The following ADGB variants were observed in gnomAD, a reference collection of about 807,000 sequenced individuals.
ADGB encodes the protein androglobin.
A neutral mutation model predicts 210.5 loss-of-function variants in ADGB; 172 were observed. The ratio of observed to expected loss-of-function variants is 0.82; its 90% confidence interval spans 0.72 to 0.93. ADGB has a LOEUF of 0.93. Among genes scored for constraint, ADGB ranks in the 40% least tolerant of loss-of-function variants. The probability of loss-of-function intolerance (pLI) is 0.00; values close to 1 mark genes in which losing one functional copy is unlikely to be tolerated. For synonymous variants in ADGB, 658 were observed against 662.7 expected, an observed-to-expected ratio of 0.99 and a Z score of 0.11; for missense variants, 2,025 against 1,964.8, an observed-to-expected ratio of 1.03 and a Z score of -0.58.
intron 2 of ADGB, among the ~76,000 whole-genome samples, chr6:146,643,113 A>C (rs192428885): frequency 6.6e-6 from 1 of 151,910 alleles, no homozygotes; most frequent in Non-Finnish European, 1.5e-5. Flanking sequence ...GAAGTGTAGC[A>C]ACAGCTCCTG....
chr6:146,804,280 C>T (rs1778178272), intron 35 of ADGB, among the ~76,000 whole-genome samples: 2 of 152,068 alleles, frequency 1.3e-5, no homozygotes, highest in African/African-American at 4.8e-5. Flanking sequence ...CACACTCCTA[C>T]ACATCCCCAA....
At chr6:146,782,299 C>G (rs929904439) in intron 30 of ADGB, 107 bp downstream of exon 30, 13 of 1,121,566 alleles carry the variant, frequency 1.2e-5, no homozygotes, top group African/African-American at 1.6e-5. Flanking sequence ...TTCTTTCTCC[C>G]TGATTCCAGA....
chr6:146,636,296 G>A, intron 2 of ADGB, among the ~76,000 whole-genome samples: 1 of 151,938 alleles, frequency 6.6e-6, no homozygotes, highest in East Asian at 1.9e-4. Flanking sequence ...TTTACATAAA[G>A]CATTCTGAAA....
intron 29 of ADGB, among the ~76,000 whole-genome samples, chr6:146,775,685 T>G (rs115243767): frequency 0.016 from 2,460 of 152,260 alleles, 48 homozygotes; most frequent in African/African-American, 0.056. Flanking sequence ...TGAATTTTAT[T>G]AGCAGTATTA....
intron 29 of ADGB, among the ~76,000 whole-genome samples, chr6:146,780,111 T>C (rs1228203113): frequency 6.6e-6 from 1 of 151,742 alleles, no homozygotes; most frequent in Non-Finnish European, 1.5e-5. Flanking sequence ...GGGACAGAAA[T>C]ACGTGAACAA....
intron 4 of ADGB, among the ~76,000 whole-genome samples, chr6:146,656,190 A>C (rs1562266261): frequency 6.6e-6 from 1 of 152,174 alleles, no homozygotes; most frequent in East Asian, 1.9e-4. Context: ...AAGTCCATCC[A>C]CCCACTGGGC....
At chr6:146,778,286 C>T (rs1384126982) in intron 29 of ADGB, among the ~76,000 whole-genome samples, 1 of 152,106 alleles carries the variant, frequency 6.6e-6, no homozygotes, top group Non-Finnish European at 1.5e-5. Flanking sequence ...GGTACTGCAA[C>T]ACCTGGAGGC....
chr6:146,717,103 C>A (rs1301583662), intron 15 of ADGB, 34 bp downstream of exon 15: 6 of 1,507,376 alleles, frequency 4.0e-6, no homozygotes, highest in Non-Finnish European at 5.4e-6. Context: ...CTGACTATGT[C>A]GTAGTGGTTA....
intron 33 of ADGB, among the ~76,000 whole-genome samples, chr6:146,800,137 T>TA (rs1778105762): frequency 1.2e-5 from 1 of 82,404 alleles, no homozygotes; most frequent in African/African-American, 4.5e-5. Context: ...TAAACTTTTT[T>TA]CTTTTTTTTT....
intron 1 of ADGB, among the ~76,000 whole-genome samples, chr6:146,607,171 A>G (rs1583556577): frequency 6.6e-6 from 1 of 151,948 alleles, no homozygotes. Context: ...TGTGAATGGG[A>G]TTGCATTTTT....
chr6:146,799,745 G>A (rs1217798798), intron 33 of ADGB, among the ~76,000 whole-genome samples: 2 of 152,036 alleles, frequency 1.3e-5, no homozygotes, highest in East Asian at 1.9e-4. Context: ...GGGGATATGG[G>A]ATATCTCTGT....
intron 2 of ADGB, among the ~76,000 whole-genome samples, chr6:146,644,050 T>C (rs1775566973): frequency 6.6e-6 from 1 of 151,710 alleles, no homozygotes; most frequent in South Asian, 2.1e-4. Context: ...GGATGGAGTA[T>C]GGGATGGGGA....
intron 29 of ADGB, among the ~76,000 whole-genome samples, chr6:146,773,339 T>C (rs537220257): frequency 6.6e-6 from 1 of 152,250 alleles, no homozygotes; most frequent in Non-Finnish European, 1.5e-5. Context: ...TTGAAATTAT[T>C]AGTAATTTTA....
intron 35 of ADGB, among the ~76,000 whole-genome samples, chr6:146,810,829 T>C (rs1282058010): frequency 1.3e-5 from 2 of 152,142 alleles, no homozygotes; most frequent in Admixed American, 6.5e-5. Context: ...TTGGTCAGAG[T>C]ACAAACATGT....
chr6:146,799,716 ATG>A (rs994881052), intron 33 of ADGB, among the ~76,000 whole-genome samples: 2 of 151,890 alleles, frequency 1.3e-5, no homozygotes, highest in South Asian at 2.1e-4. Context: ...GGAGGCTACA[ATG>A]TGTGTGTAGG....
Position 146,672,419 on chromosome 6 carries a change from T to C in ADGB, c.1039T>C (p.Ser347Pro). The C allele has an allele frequency of 1.3e-6, 2 of 1,551,038 alleles. No individual in the cohort carries two copies. The highest frequency in any genetic ancestry group is 2.4e-5 in the South Asian group (2 of 83,920). The change falls in exon 8 of 36, where the codon TCT becomes CCT. Residue 347 changes from serine to proline, a missense_variant. Coordinates refer to ENST00000397944, the MANE Select transcript of ADGB (RefSeq NM_024694.4). ...KDVKEFKPES[S>P]LTTLKAPEKS... ...CGTGAAGGAATTCAAACCTGAAAGT[T>C]CTTTGACAACACTAAAGGCTCCTGA...
Position 146,707,478 on chromosome 6 carries a change from A to T in ADGB, c.1707+6408A>T, listed in dbSNP as rs149079904. ...TGTATTGCAGTCTCTCTCCCCCTTT[A>T]GATCTATTAATATTGCTTTATACAT... On this transcript the variant is annotated intron_variant, in intron 13 of 35. Transcript: ENST00000397944. Among the ~76,000 whole-genome samples the T allele has an allele frequency of 2.8e-3, 421 of 152,232 alleles. 2 individuals carry two copies. The highest frequency in any genetic ancestry group is 9.6e-3 in the African/African-American group (400 of 41,572).
intron 1 of ADGB, among the ~76,000 whole-genome samples, chr6:146,631,353 G>A (rs1781061974): frequency 6.6e-6 from 1 of 152,100 alleles, no homozygotes; most frequent in Non-Finnish European, 1.5e-5. Context: ...ATTTTGTAAG[G>A]TGTCCTTATA....
rs1322218550 is a variant in ADGB, at chr6:146,692,850, G to T, written c.1512G>T (p.Arg504=). The T allele has an allele frequency of 1.1e-5, 17 of 1,539,632 alleles. No homozygotes were observed. The highest frequency in any genetic ancestry group is 4.9e-5 in the East Asian group (2 of 40,706). Residue 504 remains arginine, a synonymous_variant, in exon 12 of 36, where the codon CGG becomes CGT. Coordinates refer to ENST00000397944, the MANE Select transcript of ADGB (RefSeq NM_024694.4). ...AGTTAATAGTAAAGAAGCCTGAACG[G>T]TTCCTTGAGATTTCAAGTCCATTTT... ...AQELIVKKPE[R]FLEISSPFLN... is the part of the protein sequence containing the mutation.
Sources: gnomAD v4.1 joint callset for allele counts (sites outside exome capture counted in the v4.1 genomes callset) on GRCh38, gnomAD v4.1.1 for gene constraint, MANE v1.5 for transcripts, NCBI Gene and HGNC (gene_info 2026-07-23, HGNC 2026-07-21) for gene names.